The following LAMA5 variants were observed in gnomAD, a reference collection of about 807,000 sequenced individuals.
The protein encoded by LAMA5 is laminin subunit alpha 5, also known as laminin subunit alpha-5.
In LAMA5, 260 loss-of-function variants were observed where a neutral mutation model predicts 433.4. The observed-to-expected ratio is 0.60, with a 90% CI of 0.54 to 0.66. The LOEUF is 0.66. Among genes scored for constraint, LAMA5 ranks in the 30% least tolerant of loss-of-function variants. The pLI, the probability that LAMA5 is intolerant of heterozygous loss-of-function variation, is 0.00. For missense variants in LAMA5, 5,378 were observed against 5,258.5 expected (o/e 1.02, Z -0.70); for synonymous variants, 2,620 against 2,226.6 (o/e 1.18, Z -4.97).
rs746213576 is a variant in LAMA5 at position 62,338,093 on chromosome 20, C to A, written c.1814G>T (p.Cys605Phe). Residue 605 changes from cysteine to phenylalanine, a missense_variant, in exon 14 of 80, where the codon TGC becomes TTC. Cys to Phe is a radical substitution (Grantham distance 205, BLOSUM62 -2). Coordinates refer to ENST00000252999, the MANE Select transcript of LAMA5 (RefSeq NM_005560.6). ...TCCAGCAAACTCAGGCTGGCATAGG[C>A]AGCGGCCGGCCTCATCGCAGCCCTC... is the stretch of plus-strand genomic sequence containing the variant. ...LPEGCDEAGRCLCQPEFAGPH... is the reference protein window; with the variant it reads ...LPEGCDEAGRFLCQPEFAGPH... The A allele has an allele frequency of 1.9e-6, 3 of 1,603,010 alleles. No homozygotes were observed. In the South Asian group the frequency reaches 3.3e-5, roughly 18 times the overall value.
intron 3 of LAMA5, 107 bp from the exon 4 acceptor site, chr20:62,352,467 C>T: frequency 1.2e-6 from 1 of 826,222 alleles, no homozygotes; most frequent in South Asian, 1.6e-5. Flanking sequence ...GAGGCTCCCA[C>T]AGGCCAAGAG....
Position 62,312,544 on chromosome 20 carries a change from CG to C in LAMA5, c.9228-13del. ...AGAGCCGTCGCAGGCTGTGGGGAAG[CG>C]GGGATGCGGGTCAGGGCGCCACCTC... On this transcript the variant is annotated splice_polypyrimidine_tract_variant and intron_variant, in intron 67 of 79. Coordinates refer to ENST00000252999, the MANE Select transcript of LAMA5 (RefSeq NM_005560.6). 1 of 1,598,970 alleles carries C rather than the reference CG, an allele frequency of 6.3e-7. No homozygotes were observed. The highest frequency in any genetic ancestry group is 8.5e-7 in the Non-Finnish European group (1 of 1,179,258).
In LAMA5 at chr20:62,313,055, G is replaced by A. The variant is rs766075793; in HGVS notation, c.8955+33C>T. 4 of 1,604,248 alleles carry A rather than the reference G, an allele frequency of 2.5e-6. No individual in the cohort carries two copies. The South Asian group carries it at 3.3e-5, about 13-fold the overall frequency. On this transcript the variant is annotated intron_variant, in intron 65 of 79. Transcript: ENST00000252999. ...TTAGTGTGGGGCAGGGTCAGTGCAAGTGGGGATGGCAGGACGGGTGTGCCT... is the reference window on the plus strand; with the variant it reads ...TTAGTGTGGGGCAGGGTCAGTGCAAATGGGGATGGCAGGACGGGTGTGCCT...
intron 6 of LAMA5, among the ~76,000 whole-genome samples, chr20:62,347,773 G>A (rs1302526101): frequency 1.3e-5 from 2 of 152,206 alleles, no homozygotes; most frequent in Non-Finnish European, 2.9e-5. Flanking sequence ...GCAGGGCCGT[G>A]CGTTCCCTGA....
In LAMA5 at chr20:62,324,908, C is replaced by T. The variant is rs1363178863; in HGVS notation, c.5530-354G>A. 1 of 382,490 alleles carries T rather than the reference C, an allele frequency of 2.6e-6. No homozygotes were observed. Among genetic ancestry groups the T allele is most frequent in the Non-Finnish European group, 4.9e-6 (1 of 206,052 alleles). The allele number at this position is 382,490 out of a possible 1,614,324, so 23.7% of individuals were successfully genotyped here. ...CACAAACCTCCTCATACAGAAGGAG[C>T]AAAGTTACAGCAGACAGACAGATTA... is the stretch of plus-strand genomic sequence containing the variant. On this transcript the variant is annotated intron_variant, in intron 41 of 79. Transcript: ENST00000252999. This position sits in a 1 kb window ranked among gnomAD's most constrained non-coding sequence, Gnocchi z 4.4.
At position 62,330,799 on chromosome 20, in the gene LAMA5, G is replaced by A. The variant is rs754753504; in HGVS notation, c.3796C>T (p.Arg1266Trp). The A allele has an allele frequency of 7.1e-6, 11 of 1,559,094 alleles. No individual in the cohort carries two copies. Among genetic ancestry groups the A allele is most frequent in the South Asian group, 4.7e-5 (4 of 84,586 alleles). ...PAMSPAGPRP[R>W]PPTAVDPDAE... ...TCAGGGTCCACAGCGGTGGGGGGCC[G>A]AGGTCGGGGTCCAGCTGGGGACATG... is the stretch of plus-strand genomic sequence containing the variant. The change falls in exon 30 of 80, where the codon CGG becomes TGG. Residue 1266 changes from arginine (R) to tryptophan (W), a missense_variant. Arg to Trp is a moderately radical substitution (Grantham distance 101). Coordinates refer to ENST00000252999, the MANE Select transcript of LAMA5 (RefSeq NM_005560.6).
chr20:62,324,138 C>A lies in LAMA5; in HGVS notation c.5710G>T (p.Asp1904Tyr). The change falls in exon 43 of 80, where the codon GAC becomes TAC. Residue 1904 changes from aspartate to tyrosine, a missense_variant. By Grantham distance (160) the Asp-to-Tyr change is radical (BLOSUM62 -3). Coordinates refer to ENST00000252999, the MANE Select transcript of LAMA5 (RefSeq NM_005560.6). The surrounding 1 kb of genome is among the most constrained non-coding windows in gnomAD (Gnocchi z 4.4). ...RCQAGFVSSR[D>Y]DPSAPCVSCP... ...CTGACACAGGGGGCGCTGGGGTCGT[C>A]CCTGCTGCTCACGAAGCCAGCCTGG... 6.4e-7 allele frequency: 1 copy of A among 1,552,850 alleles called. No homozygotes were observed. The highest frequency in any genetic ancestry group is 1.4e-5 in the African/African-American group (1 of 71,336).
Position 62,367,218 on chromosome 20 carries a change from C to G in LAMA5, c.28G>C (p.Ala10Pro). MAKRLCAGS[A>P]LCVRGPRGPA... ...CCCCGGGGGCCGCGAACACACAGTG[C>G]GCTCCCCGCGCAGAGCCGCTTCGCC... The change falls in exon 1 of 80, where the codon GCA (alanine) becomes CCA (proline). Residue 10 changes from alanine to proline, a missense_variant. Transcript: ENST00000252999. 1 of 1,206,084 alleles carries G rather than the reference C, an allele frequency of 8.3e-7. No individual in the cohort carries two copies. Among genetic ancestry groups the G allele is most frequent in the Non-Finnish European group, 1.0e-6 (1 of 972,456 alleles). The allele number at this position is 1,206,084 out of a possible 1,614,324, so 74.7% of individuals were successfully genotyped here. A position where few individuals can be genotyped will look rare whatever the true frequency, so the allele number is the denominator to read the frequency against.
intron 53 of LAMA5, 63 bp downstream of exon 53, chr20:62,318,382 CCGGAGAGGA>C: frequency 1.9e-6 from 2 of 1,031,358 alleles, no homozygotes; most frequent in Non-Finnish European, 2.7e-6. Context: ...AGGGGAGGAG[CCGGAGAGGA>C]GAGGGATTGC....
In LAMA5 at chr20:62,325,272, G is replaced by C. The variant is rs1439666054; in HGVS notation, c.5529+44C>G. ...GGGAGGATGCTGGAGGGAAGGGTGT[G>C]CACAGGTGAGCCGCCTCGCAGTCTG... is the stretch of plus-strand genomic sequence containing the variant. On this transcript the variant is annotated intron_variant, in intron 41 of 79. Transcript: ENST00000252999. The C allele has an allele frequency of 3.8e-6, 5 of 1,310,616 alleles. No individual in the cohort carries two copies. In the South Asian group the frequency reaches 7.1e-5, roughly 19 times the overall value. 81.2% of individuals were successfully genotyped at this position (1,310,616 alleles called of 1,614,324 possible).
intron 11 of LAMA5, among the ~76,000 whole-genome samples, chr20:62,339,231 CTTTTTTTT>C (rs151158845): frequency 1.0e-3 from 56 of 55,992 alleles, no homozygotes; most frequent in African/African-American, 1.1e-3. Context: ...ATTATAGTTT[CTTTTTTTT>C]TTTTTTTTTT....
chr20:62,318,429 G>A (rs372660108), intron 53 of LAMA5, 25 bp downstream of exon 53: 4 of 1,583,798 alleles, frequency 2.5e-6, no homozygotes, highest in Non-Finnish European at 3.4e-6. Flanking sequence ...AGGAGCAGGA[G>A]GAAGAACAAG....
rs751295508 is a variant in LAMA5, at chr20:62,320,824, A to C, written c.6563T>G (p.Ile2188Ser). The C allele has an allele frequency of 1.2e-6, 2 of 1,612,648 alleles. No individual in the cohort carries two copies. The highest frequency in any genetic ancestry group is 3.3e-5 in the Admixed American group (2 of 59,996). The change falls in exon 49 of 80, where the codon ATT becomes AGT. Residue 2188 changes from isoleucine to serine, a missense_variant. Transcript: ENST00000252999. ...ATTGATGCCACGCAGTTGCTCGTGA[A>C]TGGCGGGGAGGAGGGCGCCGGCCCG... ...LERAGALLPA[I>S]HEQLRGINAS...
rs775519034 is a variant in LAMA5 at position 62,309,734 on chromosome 20, A to G, written c.10930T>C (p.Tyr3644His). 1.3e-6 allele frequency: 2 copies of G among 1,597,100 alleles called. No individual in the cohort carries two copies. The highest frequency in any genetic ancestry group is 1.1e-5 in the South Asian group (1 of 90,094). The change falls in exon 79 of 80, where the codon TAC (tyrosine) becomes CAC (histidine). Residue 3644 changes from tyrosine to histidine, a missense_variant. Coordinates refer to ENST00000252999, the MANE Select transcript of LAMA5 (RefSeq NM_005560.6). Reference protein sequence around the residue: ...AAAAGAPAPLYLGGLPEPMAV... With the variant: ...AAAAGAPAPLHLGGLPEPMAV... ...CACTCACCAGGCAGGCCCCCGAGGT[A>G]CAGAGGGGCTGGGGCACCAGCTGCA... is the stretch of plus-strand genomic sequence containing the variant.
rs115650599 is a variant in LAMA5 at position 62,337,246 on chromosome 20, C to A, written c.2164+344G>T. ...GCCCACATGCGACACGCAACACATGCACCCACGTGACACACAAACCCACTT... is the reference window on the plus strand; with the variant it reads ...GCCCACATGCGACACGCAACACATGAACCCACGTGACACACAAACCCACTT... On this transcript the variant is annotated intron_variant, in intron 16 of 79. Coordinates refer to ENST00000252999, the MANE Select transcript of LAMA5 (RefSeq NM_005560.6). Among the ~76,000 whole-genome samples the A allele has an allele frequency of 6.8e-3, 1,043 of 152,338 alleles. 11 individuals carry two copies. Among genetic ancestry groups the A allele is most frequent in the African/African-American group, 0.023 (966 of 41,588 alleles).
chr20:62,361,314 C>G (rs1389503684), intron 2 of LAMA5, among the ~76,000 whole-genome samples: 3 of 152,194 alleles, frequency 2.0e-5, no homozygotes, highest in African/African-American at 7.2e-5. Context: ...GCAACCCCTC[C>G]CCAGCTCCCC....
intron 48 of LAMA5, 107 bp downstream of exon 48, chr20:62,321,912 G>A (rs1987858471): frequency 2.6e-6 from 3 of 1,140,300 alleles, no homozygotes; most frequent in East Asian, 4.7e-5. Flanking sequence ...ATGGAAGGCA[G>A]CTGGGACCAC....
chr20:62,364,026 C>CT (rs1986447408), intron 1 of LAMA5, among the ~76,000 whole-genome samples: 1 of 152,182 alleles, frequency 6.6e-6, no homozygotes, highest in African/African-American at 2.4e-5. Flanking sequence ...ATCTGGGGGC[C>CT]TCCCCGGGGT....
chr20:62,324,054 C>T lies in LAMA5; in HGVS notation c.5768+26G>A. The T allele has an allele frequency of 6.7e-7, 1 of 1,490,128 alleles. No individual in the cohort carries two copies. The highest frequency in any genetic ancestry group is 8.9e-7 in the Non-Finnish European group (1 of 1,123,060). 92.3% of individuals were successfully genotyped at this position (1,490,128 alleles called of 1,614,324 possible). Reference sequence around the variant, plus strand: ...GAAGGGAGCCTGGCACCATCAGGGCCTCGTCCCGGGAGGAGGCTGGCTTAC... The same window carrying T: ...GAAGGGAGCCTGGCACCATCAGGGCTTCGTCCCGGGAGGAGGCTGGCTTAC... On this transcript the variant is annotated intron_variant, in intron 43 of 79. Coordinates refer to ENST00000252999, the MANE Select transcript of LAMA5 (RefSeq NM_005560.6). The surrounding 1 kb of genome is among the most constrained non-coding windows in gnomAD (Gnocchi z 4.4).
Sources: gnomAD v4.1 joint callset for allele counts (sites outside exome capture counted in the v4.1 genomes callset) on GRCh38, gnomAD v4.1.1 for gene constraint, Gnocchi (gnomAD v3.1) non-coding constraint, MANE v1.5 for transcripts, NCBI Gene and HGNC (gene_info 2026-07-23, HGNC 2026-07-21) for gene names.